Variants in FAM167A observed in about 807,000 individuals in gnomAD.
FAM167A encodes family with sequence similarity 167 member A.
In FAM167A, 23 loss-of-function variants were observed where a neutral mutation model predicts 14.9. That is an observed-to-expected ratio of 1.55 (90% confidence interval 1.11 to 2.19). The LOEUF is 2.19. Among genes scored for constraint, FAM167A ranks in the 30% most tolerant of loss-of-function variants. FAM167A has a pLI of 0.00. For missense variants in FAM167A, 401 were observed against 281.5 expected, an observed-to-expected ratio of 1.42 and a Z score of -3.04; for synonymous variants, 174 against 117.7, an observed-to-expected ratio of 1.48 and a Z score of -3.10.
Position 11,444,595 on chromosome 8 carries a change from C to T in FAM167A, c.-184G>A. ...GAGCTGAGAGGGACCGCGCAGTGAG[C>T]CGCACAGGGCGCCCTCCTGGAGGCT... On this transcript the variant is annotated 5_prime_UTR_variant, in exon 2 of 3. Transcript: ENST00000284486. The T allele has an allele frequency of 7.1e-7, 1 of 1,407,814 alleles. No homozygotes were observed. Among genetic ancestry groups the T allele is most frequent in the Non-Finnish European group, 9.2e-7 (1 of 1,087,888 alleles). 87.2% of individuals were successfully genotyped at this position (1,407,814 alleles called of 1,614,324 possible). A position where few individuals can be genotyped will look rare whatever the true frequency, so the allele number is the denominator to read the frequency against.
In FAM167A at chr8:11,445,110, C is replaced by T. The variant is rs961483678; in HGVS notation, c.-397-302G>A. ...TTTGTTTTTATTCTCATTTCACACA[C>T]GAGGAACCCACATATCCTAGAAGTT... is the stretch of plus-strand genomic sequence containing the variant. On this transcript the variant is annotated intron_variant, in intron 1 of 2. Coordinates refer to ENST00000284486, the MANE Select transcript of FAM167A (RefSeq NM_053279.3). 104 of 982,456 alleles carry T rather than the reference C, an allele frequency of 1.1e-4. No homozygotes were observed. The East Asian group carries it at 1.9e-3, about 18-fold the overall frequency. The allele number at this position is 982,456 out of a possible 1,614,324, so 60.9% of individuals were successfully genotyped here.
chr8:11,475,181 C>T (rs1208416584), intron 1 of FAM167A, among the ~76,000 whole-genome samples: 2 of 152,174 alleles, frequency 1.3e-5, no homozygotes, highest in Non-Finnish European at 2.9e-5. Context: ...CCGTGGTGCC[C>T]CCACCTTAGG....
chr8:11,429,510 A>T (rs548718990), intron 2 of FAM167A, among the ~76,000 whole-genome samples: 1 of 152,192 alleles, frequency 6.6e-6, no homozygotes, highest in Non-Finnish European at 1.5e-5. Context: ...GCAGCCGCAC[A>T]CGTTTGACAT....
chr8:11,475,360 G>A (rs1053731709), intron 1 of FAM167A, among the ~76,000 whole-genome samples: 1 of 152,140 alleles, frequency 6.6e-6, no homozygotes, highest in African/African-American at 2.4e-5. Flanking sequence ...ACGATCTGTT[G>A]GCAATTGCAA....
chr8:11,423,349 G>T lies in FAM167A; in HGVS notation c.*1024C>A, dbSNP rs1205265750. The T allele has an allele frequency of 2.6e-5, 4 of 152,602 alleles. No individual in the cohort carries two copies. Among genetic ancestry groups the T allele is most frequent in the Non-Finnish European group, 5.9e-5 (4 of 68,038 alleles). 9.5% of individuals were successfully genotyped at this position (152,602 alleles called of 1,614,324 possible). On this transcript the variant is annotated 3_prime_UTR_variant, in exon 3 of 3. Transcript: ENST00000284486. ...ACCTACACAAGTGGCTTCCGCATTT[G>T]GACAAAAATCAGTTACTAACAAGTG...
In FAM167A at chr8:11,444,606, G is replaced by A. The variant is rs1425546440; in HGVS notation, c.-195C>T. ...GACCGCGCAGTGAGCCGCACAGGGC[G>A]CCCTCCTGGAGGCTCGGGTCTATGA... On this transcript the variant is annotated 5_prime_UTR_variant, in exon 2 of 3. Transcript: ENST00000284486. 13 of 1,391,094 alleles carry A rather than the reference G, an allele frequency of 9.3e-6. No individual in the cohort carries two copies. Among genetic ancestry groups the A allele is most frequent in the East Asian group, 2.7e-5 (1 of 36,596 alleles). The allele number at this position is 1,391,094 out of a possible 1,614,324, so 86.2% of individuals were successfully genotyped here. A position where few individuals can be genotyped will look rare whatever the true frequency, so the allele number is the denominator to read the frequency against.
At chr8:11,438,241 C>T in intron 2 of FAM167A, 1 of 422,408 alleles carries the variant, frequency 2.4e-6, no homozygotes, top group Non-Finnish European at 4.8e-6. Context: ...TCCTCCAACT[C>T]CCTTCTCCTT....
intron 2 of FAM167A, among the ~76,000 whole-genome samples, chr8:11,440,608 G>T (rs996872144): frequency 6.6e-6 from 1 of 152,220 alleles, no homozygotes; most frequent in Non-Finnish European, 1.5e-5. Context: ...GCTGCTAGGT[G>T]GTCAGAGGAC....
intron 1 of FAM167A, chr8:11,445,054 T>A: frequency 1.1e-6 from 1 of 906,170 alleles, no homozygotes; most frequent in Non-Finnish European, 1.3e-6. Context: ...CTCTACTATC[T>A]TATTTAATGC....
intron 1 of FAM167A, among the ~76,000 whole-genome samples, chr8:11,451,407 T>C (rs113539091): frequency 1.1e-4 from 17 of 152,360 alleles, no homozygotes; most frequent in African/African-American, 4.1e-4. Flanking sequence ...ATGGGGTTTC[T>C]GACATTCGTA....
intron 1 of FAM167A, among the ~76,000 whole-genome samples, chr8:11,450,943 T>G (rs1055028645): frequency 1.2e-4 from 19 of 152,138 alleles, no homozygotes; most frequent in Non-Finnish European, 2.1e-4. Context: ...TCATCCCAAA[T>G]CCCAGGACTA....
In FAM167A at chr8:11,424,291, G is replaced by A; in HGVS notation, c.*82C>T. 1 of 1,572,392 alleles carries A rather than the reference G, an allele frequency of 6.4e-7. No individual in the cohort carries two copies. Among genetic ancestry groups the A allele is most frequent in the Non-Finnish European group, 8.7e-7 (1 of 1,154,790 alleles). On this transcript the variant is annotated 3_prime_UTR_variant, in exon 3 of 3. Transcript: ENST00000284486. ...ACCCCTGCCTCCGGGAGACCCACTGGAGTAACTTGGCCTCAGCTTCCTCTG... is the reference window on the plus strand; with the variant it reads ...ACCCCTGCCTCCGGGAGACCCACTGAAGTAACTTGGCCTCAGCTTCCTCTG...
upstream of FAM167A, among the ~76,000 whole-genome samples, chr8:11,469,881 AAAATAAATAAATAAATAAAT>A (rs140444831): frequency 4.4e-3 from 539 of 122,604 alleles, 1 homozygote; most frequent in African/African-American, 0.014. Context: ...CCCTGTCTCA[AAAATAAATAAATAAATAAAT>A]AAATAAATAA....
chr8:11,444,729 C>G lies in FAM167A; in HGVS notation c.-318G>C. Reference sequence around the variant, plus strand: ...CAGCCTGTGCCAAGGTCTATCTGTCCTGAACGCACTCGAAGACCAGACTGG... The same window carrying G: ...CAGCCTGTGCCAAGGTCTATCTGTCGTGAACGCACTCGAAGACCAGACTGG... On this transcript the variant is annotated 5_prime_UTR_variant, in exon 2 of 3. Coordinates refer to ENST00000284486, the MANE Select transcript of FAM167A (RefSeq NM_053279.3). The G allele has an allele frequency of 1.8e-6, 2 of 1,106,478 alleles. No homozygotes were observed. The highest frequency in any genetic ancestry group is 1.1e-6 in the Non-Finnish European group (1 of 906,958). 68.5% of individuals were successfully genotyped at this position (1,106,478 alleles called of 1,614,324 possible). A position where few individuals can be genotyped will look rare whatever the true frequency, so the allele number is the denominator to read the frequency against.
Position 11,444,095 on chromosome 8 carries a change from G to C in FAM167A, c.317C>G (p.Ser106Cys). ...CTGAAAGCCTTCCAGCTTGCCAGTG[G>C]ACAGGGGTCTGGCACCTTGGCTGGC... The part of the protein sequence containing the change: ...RSASQGARPL[S>C]TGKLEGFQSI... Residue 106 changes from serine (S) to cysteine (C), a missense_variant, in exon 2 of 3, where the codon TCC (serine) becomes TGC (cysteine). Physicochemically the swap from Ser to Cys is moderately radical, Grantham distance 112. Transcript: ENST00000284486. 1 of 1,613,566 alleles carries C rather than the reference G, an allele frequency of 6.2e-7. No individual in the cohort carries two copies. Among genetic ancestry groups the C allele is most frequent in the Non-Finnish European group, 8.5e-7 (1 of 1,180,026 alleles).
chr8:11,446,983 G>C (rs749210048), intron 1 of FAM167A, among the ~76,000 whole-genome samples: 3 of 152,084 alleles, frequency 2.0e-5, no homozygotes, highest in Non-Finnish European at 4.4e-5. Context: ...GCACCCTCCC[G>C]CCCTGAGTTC....
chr8:11,431,835 C>A (rs1221165422), intron 2 of FAM167A, among the ~76,000 whole-genome samples: 2 of 142,300 alleles, frequency 1.4e-5, no homozygotes, highest in African/African-American at 5.4e-5. Flanking sequence ...GGTAGAAGGG[C>A]CTCTCTGGGG....
At chr8:11,468,371 C>A (rs1376069112), upstream of FAM167A, among the ~76,000 whole-genome samples, 1 of 152,258 alleles carries the variant, frequency 6.6e-6, no homozygotes. Context: ...CGACAGGCTG[C>A]TGCAGCTCTG....
At position 11,433,406 on chromosome 8, in the gene FAM167A, T is replaced by C. The variant is rs374963299; in HGVS notation, c.382-8770A>G. Among the ~76,000 whole-genome samples the C allele has an allele frequency of 6.9e-4, 105 of 152,278 alleles. No individual in the cohort carries two copies. In the East Asian group the frequency reaches 0.014, roughly 20 times the overall value. On this transcript the variant is annotated intron_variant, in intron 2 of 2. Transcript: ENST00000284486. ...CTATTAATAGTTTGTCTTTTTTCTATCGTCTAATGCTTCCATTCCTGAAGA... is the reference window on the plus strand; with the variant it reads ...CTATTAATAGTTTGTCTTTTTTCTACCGTCTAATGCTTCCATTCCTGAAGA...
Sources: gnomAD v4.1 joint callset for allele counts (sites outside exome capture counted in the v4.1 genomes callset) on GRCh38, gnomAD v4.1.1 for gene constraint, MANE v1.5 for transcripts, NCBI Gene and HGNC (gene_info 2026-07-23, HGNC 2026-07-21) for gene names.